Variants in TFAP2D observed in about 807,000 individuals in gnomAD.
The protein encoded by TFAP2D is transcription factor AP-2-delta.
TFAP2D carries 9 observed loss-of-function variants against 43.6 expected under a neutral mutation model. The observed-to-expected ratio is 0.21, with a 90% CI of 0.12 to 0.36. The LOEUF (loss-of-function observed/expected upper bound fraction) is 0.36. Ranked by LOEUF, TFAP2D falls within the 10% of genes least tolerant of loss-of-function variation. The probability of loss-of-function intolerance (pLI) is 1.00; values close to 1 mark genes in which losing one functional copy is unlikely to be tolerated. For synonymous variants in TFAP2D, 256 were observed against 224.9 expected, an observed-to-expected ratio of 1.14 and a Z score of -1.24; for missense variants, 513 against 561.4, an observed-to-expected ratio of 0.91 and a Z score of 0.87.
At chr6:50,722,588 C>T (rs1364843025) in intron 3 of TFAP2D, among the ~76,000 whole-genome samples, 1 of 151,932 alleles carries the variant, frequency 6.6e-6, no homozygotes, top group African/African-American at 2.4e-5. Flanking sequence ...CTTTCATTTC[C>T]TGCTCTGAGT....
intron 7 of TFAP2D, among the ~76,000 whole-genome samples, chr6:50,763,565 C>T (rs888143184): frequency 2.3e-4 from 35 of 152,152 alleles, no homozygotes; most frequent in Non-Finnish European, 4.1e-4. Context: ...TAAATCCATG[C>T]AGCATTTCAG....
intron 7 of TFAP2D, among the ~76,000 whole-genome samples, chr6:50,757,444 A>AATTATT (rs1255604983): frequency 0.02 from 1,921 of 94,946 alleles, 297 homozygotes; most frequent in East Asian, 0.029. Flanking sequence ...GAATATATAT[A>AATTATT]CTTATTCTAT....
At chr6:50,752,348 A>C (rs531046333) in intron 7 of TFAP2D, among the ~76,000 whole-genome samples, 8 of 152,072 alleles carry the variant, frequency 5.3e-5, no homozygotes, top group Admixed American at 5.3e-4. Flanking sequence ...AAGAACATGT[A>C]ATTACTCAGG....
Position 50,715,577 on chromosome 6 carries a change from C to T in TFAP2D, c.501C>T (p.Ser167=). 1.2e-6 allele frequency: 2 copies of T among 1,601,352 alleles called. No individual in the cohort carries two copies. The part of the protein sequence containing the change: ...HPDQRLLPGP[S]LGLAAAGADD... ...ATCAAAGACTCCTGCCAGGGCCCAG[C>T]CTGGGGCTGGCCGCCGCGGGAGCAG... Residue 167 remains serine, a synonymous_variant, in exon 2 of 8, where the codon AGC becomes AGT. Transcript: ENST00000008391.
intron 7 of TFAP2D, among the ~76,000 whole-genome samples, chr6:50,772,407 T>C (rs1406042737): frequency 6.6e-6 from 1 of 152,046 alleles, no homozygotes; most frequent in African/African-American, 2.4e-5. Context: ...TATATATAAA[T>C]AATAATTAGT....
chr6:50,765,911 T>C (rs570150272), intron 7 of TFAP2D, among the ~76,000 whole-genome samples: 1 of 152,318 alleles, frequency 6.6e-6, no homozygotes, highest in Non-Finnish European at 1.5e-5. Flanking sequence ...TGCCTGTGCT[T>C]TAGGTGTCAT....
At position 50,772,734 on chromosome 6, in the gene TFAP2D, A is replaced by G. The variant is rs1419256639; in HGVS notation, c.1229A>G (p.Glu410Gly). ...CTCAGTGAAATGCTGAACTACTTGGAAAAACACACTACTCACAAGAACGGC... is the reference window on the plus strand; with the variant it reads ...CTCAGTGAAATGCTGAACTACTTGGGAAAACACACTACTCACAAGAACGGC... ...TVLSEMLNYL[E>G]KHTTHKNGGA... Residue 410 changes from glutamate to glycine, a missense_variant, in exon 8 of 8, where the codon GAA (glutamate) becomes GGA (glycine). Transcript: ENST00000008391. 1.2e-6 allele frequency: 2 copies of G among 1,614,138 alleles called. No individual in the cohort carries two copies. Among genetic ancestry groups the G allele is most frequent in the African/African-American group, 1.3e-5 (1 of 75,040 alleles).
In TFAP2D at chr6:50,746,482, C is replaced by T. The variant is rs548497701; in HGVS notation, c.1025+1234C>T. On this transcript the variant is annotated intron_variant, in intron 6 of 7. Transcript: ENST00000008391. ...CAAACTCCTGGGTTCAAGCAATCTG[C>T]ACTCCTTGGCCTCCCAAAGGGCTAG... Among the ~76,000 whole-genome samples, 4 of 152,280 alleles carry T rather than the reference C, an allele frequency of 2.6e-5. No individual in the cohort carries two copies. In the South Asian group the frequency reaches 8.3e-4, roughly 32 times the overall value.
chr6:50,744,622 A>G (rs1327966281), intron 5 of TFAP2D, among the ~76,000 whole-genome samples: 2 of 152,176 alleles, frequency 1.3e-5, no homozygotes, highest in Admixed American at 1.3e-4. Flanking sequence ...ATGATTTTCC[A>G]AAGTTCTCCG....
In TFAP2D at chr6:50,715,675, C is replaced by A; in HGVS notation, c.537+62C>A. ...CCTCTTCGCCCTCCCCCTGCCGCCC[C>A]ATTAATGCTCCGACTGTAAAGCGTC... On this transcript the variant is annotated intron_variant, in intron 2 of 7. Transcript: ENST00000008391. The A allele has an allele frequency of 3.3e-6, 5 of 1,515,870 alleles. No individual in the cohort carries two copies. In the South Asian group the frequency reaches 6.4e-5, roughly 19 times the overall value. The allele number at this position is 1,515,870 out of a possible 1,614,324, so 93.9% of individuals were successfully genotyped here.
In TFAP2D at chr6:50,715,716, CT is replaced by C. The variant is rs1203215474; in HGVS notation, c.537+105del. The C allele has an allele frequency of 6.0e-6, 7 of 1,159,030 alleles. No homozygotes were observed. The Admixed American group carries it at 1.5e-4, about 24-fold the overall frequency. 71.8% of individuals were successfully genotyped at this position (1,159,030 alleles called of 1,614,324 possible). On this transcript the variant is annotated intron_variant, in intron 2 of 7. Transcript: ENST00000008391. Reference sequence around the variant, plus strand: ...GTAAAGCGTCTCTCTTTCTCTCTCTCTTCTCCTCTCTCTCTCTCTCTCTCTC... The same window carrying C: ...GTAAAGCGTCTCTCTTTCTCTCTCTCTCTCCTCTCTCTCTCTCTCTCTCTC...
chr6:50,745,699 G>T (rs1378887066), intron 6 of TFAP2D, among the ~76,000 whole-genome samples: 1 of 152,098 alleles, frequency 6.6e-6, no homozygotes, highest in Non-Finnish European at 1.5e-5. Flanking sequence ...GGAGACCTCT[G>T]GGACCAAGGA....
chr6:50,720,481 A>T (rs1166691863), intron 3 of TFAP2D, among the ~76,000 whole-genome samples: 2 of 141,628 alleles, frequency 1.4e-5, no homozygotes, highest in Non-Finnish European at 3.0e-5. Context: ...CCCTATGGAG[A>T]TTAAAACACA....
chr6:50,768,513 A>G (rs1416167482), intron 7 of TFAP2D, among the ~76,000 whole-genome samples: 1 of 151,666 alleles, frequency 6.6e-6, no homozygotes, highest in Non-Finnish European at 1.5e-5. Flanking sequence ...CCTTTTCTGT[A>G]TGTCACTGTG....
intron 7 of TFAP2D, among the ~76,000 whole-genome samples, chr6:50,754,913 C>T (rs961220666): frequency 6.6e-6 from 1 of 151,670 alleles, no homozygotes; most frequent in African/African-American, 2.4e-5. Flanking sequence ...CTGTACATTT[C>T]TTTATTAGTC....
In TFAP2D at chr6:50,757,453, A is replaced by C. The variant is rs9381893; in HGVS notation, c.1139+6129A>C. On this transcript the variant is annotated intron_variant, in intron 7 of 7. Coordinates refer to ENST00000008391, the MANE Select transcript of TFAP2D (RefSeq NM_172238.4). ...TATATAGAATATATATACTTATTCTATATATATATAATATATATAATTATT... is the reference window on the plus strand; with the variant it reads ...TATATAGAATATATATACTTATTCTCTATATATATAATATATATAATTATT... 1.4e-4 allele frequency among the ~76,000 whole-genome samples: 15 copies of C among 105,946 alleles called. No homozygotes were observed. The East Asian group carries it at 3.5e-3, about 25-fold the overall frequency. 69.5% of individuals were successfully genotyped at this position (105,946 alleles called of 152,430 possible).
intron 5 of TFAP2D, among the ~76,000 whole-genome samples, chr6:50,733,072 T>C (rs544686283): frequency 6.6e-6 from 1 of 152,186 alleles, no homozygotes; most frequent in Admixed American, 6.6e-5. Context: ...TACGAACTAA[T>C]AGGATGAAGA....
intron 3 of TFAP2D, among the ~76,000 whole-genome samples, chr6:50,726,082 C>A (rs919284214): frequency 8.5e-5 from 13 of 152,138 alleles, no homozygotes; most frequent in Admixed American, 3.9e-4. Context: ...TCTACTTGAG[C>A]ATAAGCCAGA....
intron 5 of TFAP2D, among the ~76,000 whole-genome samples, chr6:50,735,547 A>AC (rs1216164057): frequency 2.0e-5 from 3 of 152,178 alleles, no homozygotes; most frequent in Non-Finnish European, 4.4e-5. Flanking sequence ...GGGACATTAA[A>AC]TCTTGGTTTA....
Sources: gnomAD v4.1 joint callset for allele counts (sites outside exome capture counted in the v4.1 genomes callset) on GRCh38, gnomAD v4.1.1 for gene constraint, MANE v1.5 for transcripts, NCBI Gene and HGNC (gene_info 2026-07-23, HGNC 2026-07-21) for gene names.